DGAT2L6: variants seen among roughly 807,000 people sequenced by gnomAD.
DGAT2L6 encodes diacylglycerol O-acyltransferase 2 like 6.
A neutral mutation model predicts 25.5 loss-of-function variants in DGAT2L6; 22 were observed. That is an observed-to-expected ratio of 0.86 (90% CI 0.62 to 1.23). The LOEUF (loss-of-function observed/expected upper bound fraction) is 1.23. DGAT2L6 is among the 50% of genes most tolerant of loss of function. The pLI, the probability that DGAT2L6 is intolerant of heterozygous loss-of-function variation, is 0.00. For missense variants in DGAT2L6, 287 were observed against 253.2 expected, an observed-to-expected ratio of 1.13 and a Z score of -0.91; for synonymous variants, 100 against 94.7, an observed-to-expected ratio of 1.06 and a Z score of -0.32.
At chrX:70,188,582 T>C (rs776990407) in intron 1 of DGAT2L6, among the ~76,000 whole-genome samples, 20 of 111,246 alleles carry the variant, frequency 1.8e-4, no homozygotes, top group African/African-American at 5.9e-4. Context: ...ATGCAATCTC[T>C]GCAAGAAAGC....
chrX:70,199,995 A>G, intron 3 of DGAT2L6, 113 bp downstream of exon 3: 8 of 797,186 alleles, frequency 1.0e-5, no homozygotes, highest in Non-Finnish European at 1.4e-5. Flanking sequence ...CAAGGCCCCG[A>G]GTCATAATGC....
chrX:70,204,597 G>T (rs2085422376), intron 6 of DGAT2L6, 81 bp downstream of exon 6: 1 of 1,086,077 alleles, frequency 9.2e-7, no homozygotes, highest in Non-Finnish European at 1.3e-6. Context: ...AGTCCAGGGG[G>T]ACCCAACTCA....
chrX:70,184,688 A>G (rs1475883994), intron 1 of DGAT2L6, among the ~76,000 whole-genome samples: 3 of 109,679 alleles, frequency 2.7e-5, no homozygotes, highest in Non-Finnish European at 3.8e-5. Flanking sequence ...TTGGTCTCGA[A>G]CTCCTGGACT....
intron 1 of DGAT2L6, among the ~76,000 whole-genome samples, chrX:70,192,507 C>T (rs1358230503): frequency 8.9e-6 from 1 of 111,935 alleles, no homozygotes; most frequent in Non-Finnish European, 1.9e-5. Flanking sequence ...TATCATGTAT[C>T]CATTAACAAA....
In DGAT2L6 at chrX:70,177,628, TTC is replaced by T. The variant is rs1298535918; in HGVS notation, c.48_49del (p.Phe17CysfsTer27). 3 of 1,209,156 alleles carry T rather than the reference TTC, an allele frequency of 2.5e-6. No homozygotes were observed. The highest frequency in any genetic ancestry group is 3.4e-6 in the Non-Finnish European group (3 of 894,553). ...RLNLQEGLQT[F>X]FVLQWIPVYI... is the part of the protein sequence containing the mutation. Reference sequence around the variant, plus strand: ...GAATCTCCAGGAGGGCCTCCAAACCTTCTTTGTTTTGCAATGGATCCCAGTCT... The same window carrying T: ...GAATCTCCAGGAGGGCCTCCAAACCTTTTGTTTTGCAATGGATCCCAGTCT... On this transcript the variant is annotated frameshift_variant, in exon 1 of 7. Coordinates refer to ENST00000333026, the MANE Select transcript of DGAT2L6 (RefSeq NM_198512.3). LOFTEE classifies it high-confidence loss of function.
chrX:70,204,599 C>T, intron 6 of DGAT2L6, 83 bp downstream of exon 6: 2 of 1,074,065 alleles, frequency 1.9e-6, no homozygotes, highest in African/African-American at 3.6e-5. Context: ...TCCAGGGGGA[C>T]CCAACTCACA....
At chrX:70,201,794 CAGAAGAACTGTCTCCAAA>C in intron 4 of DGAT2L6, 78 bp from the exon 5 acceptor site, 1 of 969,666 alleles carries the variant, frequency 1.0e-6, no homozygotes, top group East Asian at 3.4e-5. Context: ...AGTCAGAAAA[CAGAAGAACTGTCTCCAAA>C]AGGAAGAGCC....
chrX:70,201,666 C>A (rs1261753703), intron 4 of DGAT2L6, among the ~76,000 whole-genome samples: 1 of 110,532 alleles, frequency 9.0e-6, no homozygotes, highest in Non-Finnish European at 1.9e-5. Context: ...TCAGTATAGA[C>A]CCAACTGCAG....
At chrX:70,200,586 C>A in intron 4 of DGAT2L6, 127 bp downstream of exon 4, 2 of 607,747 alleles carry the variant, frequency 3.3e-6, no homozygotes, top group Non-Finnish European at 5.1e-6. Context: ...ACCCTGGGCC[C>A]GTAACAGGAG....
rs780638196 is a variant in DGAT2L6 at position 70,177,551 on chromosome X, G to C, written c.-32G>C. ...TAAGAAGTTTTGACCTTCTGGTTAG[G>C]CTTCTTGCCACAACAGAACAGCACC... On this transcript the variant is annotated 5_prime_UTR_variant, in exon 1 of 7. Transcript: ENST00000333026. 8.4e-7 allele frequency: 1 copy of C among 1,187,462 alleles called. No individual in the cohort carries two copies. Among genetic ancestry groups the C allele is most frequent in the South Asian group, 1.8e-5 (1 of 55,630 alleles).
Position 70,204,312 on chromosome X carries a change from C to T in DGAT2L6, c.655C>T (p.Leu219Phe). The T allele has an allele frequency of 8.3e-7, 1 of 1,204,523 alleles. No individual in the cohort carries two copies. The change falls in exon 6 of 7, where the codon CTT becomes TTT. Residue 219 changes from leucine (L) to phenylalanine (F), a missense_variant. Leu to Phe is a conservative substitution (Grantham distance 22). Transcript: ENST00000333026. ...VKMALQTGAYLVPSYSFGENE... is the reference protein window; with the variant it reads ...VKMALQTGAYFVPSYSFGENE... ...CTGCCCCTCTCTTTGCAGGGCATAC[C>T]TTGTCCCTTCATATTCCTTTGGTGA...
At chrX:70,179,631 G>A (rs916762992) in intron 1 of DGAT2L6, among the ~76,000 whole-genome samples, 12 of 100,851 alleles carry the variant, frequency 1.2e-4, no homozygotes, top group Non-Finnish European at 2.0e-4. Context: ...GCAATGGCAG[G>A]ATCTTGGCTC....
At chrX:70,199,756 G>C (rs1024205820) in intron 2 of DGAT2L6, 56 bp from the exon 3 acceptor site, 1 of 1,120,632 alleles carries the variant, frequency 8.9e-7, no homozygotes, top group Non-Finnish European at 1.2e-6. Flanking sequence ...TCCTCTGGGA[G>C]AGGTAGAGGG....
chrX:70,188,575 C>T (rs768996029), intron 1 of DGAT2L6, among the ~76,000 whole-genome samples: 2 of 111,165 alleles, frequency 1.8e-5, no homozygotes, highest in East Asian at 5.7e-4. Context: ...GAATTCTATG[C>T]AATCTCTGCA....
rs1433930049 is a variant in DGAT2L6 at position 70,204,421 on chromosome X, A to G, written c.764A>G (p.Lys255Arg). The stretch of plus-strand genomic sequence containing the variant: ...AAAACCTTCCAGGACACATTCAAAA[A>G]AATCCTGGGACTAAATTTCTGTACC... The part of the protein sequence containing the change: ...FQKTFQDTFK[K>R]ILGLNFCTFH... Residue 255 changes from lysine (K) to arginine (R), a missense_variant, in exon 6 of 7, where the codon AAA becomes AGA. By Grantham distance (26) the Lys-to-Arg change is conservative. Transcript: ENST00000333026. The G allele has an allele frequency of 8.3e-7, 1 of 1,211,548 alleles. No homozygotes were observed.
chrX:70,201,766 A>G (rs2085411277), intron 4 of DGAT2L6, 124 bp from the exon 5 acceptor site: 2 of 797,171 alleles, frequency 2.5e-6, no homozygotes, highest in African/African-American at 4.2e-5. Flanking sequence ...TCAGAGACAG[A>G]AAGGTGGAAA....
intron 1 of DGAT2L6, among the ~76,000 whole-genome samples, chrX:70,185,589 C>T (rs1252502445): frequency 8.9e-6 from 1 of 111,872 alleles, no homozygotes; most frequent in Non-Finnish European, 1.9e-5. Flanking sequence ...TGCTGTTTCA[C>T]AACAAATGGT....
chrX:70,205,304 A>C lies in DGAT2L6; in HGVS notation c.*198A>C. 1.6e-5 allele frequency: 7 copies of C among 439,711 alleles called. No homozygotes were observed. In the South Asian group the frequency reaches 6.2e-4, roughly 39 times the overall value. The allele number at this position is 439,711 out of a possible 1,213,427, so 36.2% of individuals were successfully genotyped here. On this transcript the variant is annotated 3_prime_UTR_variant, in exon 7 of 7. Coordinates refer to ENST00000333026, the MANE Select transcript of DGAT2L6 (RefSeq NM_198512.3). ...TGGCTGAGGCAGGCTTAGGGGAAAGAACCAGAGGGGCAGGGGAGGACTGGG... is the reference window on the plus strand; with the variant it reads ...TGGCTGAGGCAGGCTTAGGGGAAAGCACCAGAGGGGCAGGGGAGGACTGGG...
chrX:70,200,099 C>T (rs999702928), intron 3 of DGAT2L6, among the ~76,000 whole-genome samples, 156 bp from the exon 4 acceptor site: 1 of 111,761 alleles, frequency 8.9e-6, no homozygotes, highest in Non-Finnish European at 1.9e-5. Context: ...CTCTGACCAT[C>T]GTGAGCCCTG....
Sources: allele counts gnomAD v4.1 joint callset (sites outside exome capture counted in the v4.1 genomes callset), GRCh38; gene constraint gnomAD v4.1.1; transcripts MANE v1.5; gene names NCBI Gene and HGNC (gene_info 2026-07-23, HGNC 2026-07-21).